Variants in DNAH12 observed in about 807,000 individuals in gnomAD.
The protein encoded by DNAH12 is axonemal beta dynein heavy chain 12.
DNAH12 carries 285 observed loss-of-function variants against 371.5 expected under a neutral mutation model. That is an observed-to-expected ratio of 0.77 (90% CI 0.70 to 0.85). The LOEUF is 0.85. Ranked by LOEUF, DNAH12 falls within the 40% of genes least tolerant of loss-of-function variation. The pLI is 0.00. For missense variants in DNAH12, 3,611 were observed against 3,689.4 expected, an observed-to-expected ratio of 0.98 and a Z score of 0.55; for synonymous variants, 1,200 against 1,213.0, an observed-to-expected ratio of 0.99 and a Z score of 0.22.
chr3:57,546,873 C>A (rs758031483), upstream of DNAH12, among the ~76,000 whole-genome samples: 1 of 152,084 alleles, frequency 6.6e-6, no homozygotes, highest in African/African-American at 2.4e-5. Flanking sequence ...TTAGGCCTGG[C>A]AAAGTGGATC....
intron 13 of DNAH12, 84 bp downstream of exon 13, chr3:57,483,292 A>G: frequency 1.4e-6 from 2 of 1,463,470 alleles, no homozygotes; most frequent in South Asian, 2.6e-5. Context: ...CTATTTGTGT[A>G]ACTATATATT....
At chr3:57,353,710 T>C (rs1209956251) in intron 59 of DNAH12, among the ~76,000 whole-genome samples, 1 of 152,102 alleles carries the variant, frequency 6.6e-6, no homozygotes, top group Admixed American at 6.6e-5. Context: ...CATTAAAAAG[T>C]AGGCAAAGGA....
chr3:57,301,610 C>T, intron 70 of DNAH12, 125 bp downstream of exon 70: 2 of 1,143,566 alleles, frequency 1.7e-6, no homozygotes, highest in East Asian at 5.1e-5. Flanking sequence ...ACTAATATCT[C>T]CCCAGTTAAC....
In DNAH12 at chr3:57,348,089, T is replaced by C. The variant is rs897131066; in HGVS notation, c.9674+3996A>G. Among the ~76,000 whole-genome samples the C allele has an allele frequency of 2.6e-5, 4 of 152,342 alleles. No individual in the cohort carries two copies. The East Asian group carries it at 5.8e-4, about 22-fold the overall frequency. ...ATGAATGTTTGTAGCATATTATTCA[T>C]AATTGCCAAAACTTAGAAGCAACTA... is the stretch of plus-strand genomic sequence containing the variant. On this transcript the variant is annotated intron_variant, in intron 60 of 73. Coordinates refer to ENST00000495027, the MANE Select transcript of DNAH12 (RefSeq NM_001366028.2).
intron 69 of DNAH12, among the ~76,000 whole-genome samples, chr3:57,302,508 G>T (rs2061367922): frequency 9.2e-6 from 1 of 108,796 alleles, no homozygotes; most frequent in Non-Finnish European, 1.7e-5. Context: ...AAGAAATGCT[G>T]AATTAACTAA....
At chr3:57,429,861 C>T (rs2064903491) in intron 32 of DNAH12, 87 bp from the exon 33 acceptor site, 3 of 1,097,142 alleles carry the variant, frequency 2.7e-6, no homozygotes, top group South Asian at 1.9e-5. Context: ...AATAAAGTAG[C>T]TCCTGTGATA....
Position 57,377,080 on chromosome 3 carries a change from G to C in DNAH12, c.8366C>G (p.Thr2789Arg), listed in dbSNP as rs1186806205. ...ENLQMTFLEKTEEKAALEDQV... is the reference protein window; with the variant it reads ...ENLQMTFLEKREEKAALEDQV... ...GTCTTCTAAAGCAGCCTTTTCCTCT[G>C]TTTTCTCAAGAAATGTCATTTGTAA... Residue 2789 changes from threonine (T) to arginine (R), a missense_variant, in exon 53 of 74, where the codon ACA becomes AGA. Thr to Arg is a moderately conservative substitution (Grantham distance 71). Coordinates refer to ENST00000495027, the MANE Select transcript of DNAH12 (RefSeq NM_001366028.2). 6.6e-6 allele frequency: 1 copy of C among 152,050 alleles called. No homozygotes were observed. Among genetic ancestry groups the C allele is most frequent in the Non-Finnish European group, 1.5e-5 (1 of 68,002 alleles). 9.4% of individuals were successfully genotyped at this position (152,050 alleles called of 1,614,324 possible).
intron 23 of DNAH12, 24 bp from the exon 24 acceptor site, chr3:57,453,427 T>C (rs974168881): frequency 6.7e-7 from 1 of 1,486,604 alleles, no homozygotes; most frequent in Non-Finnish European, 9.0e-7. Flanking sequence ...AAAAAAGCAA[T>C]CTAATTGATG....
chr3:57,322,521 C>T (rs1313896858), intron 64 of DNAH12, 38 bp from the exon 65 acceptor site: 2 of 1,531,170 alleles, frequency 1.3e-6, no homozygotes, highest in South Asian at 1.2e-5. Context: ...TACAAGATAG[C>T]AAGTGGAGGC....
At chr3:57,492,710 AT>A (rs1300038725) in intron 11 of DNAH12, among the ~76,000 whole-genome samples, 7 of 152,144 alleles carry the variant, frequency 4.6e-5, no homozygotes, top group African/African-American at 1.7e-4. Context: ...GGAAATAATC[AT>A]TTTCAAAGTT....
chr3:57,355,182 C>T (rs2062769929), intron 59 of DNAH12, among the ~76,000 whole-genome samples: 1 of 152,118 alleles, frequency 6.6e-6, no homozygotes. Flanking sequence ...TGAATCTACA[C>T]TTAACTCAAA....
chr3:57,395,051 T>C (rs1026749557), intron 43 of DNAH12, among the ~76,000 whole-genome samples: 14 of 152,194 alleles, frequency 9.2e-5, no homozygotes, highest in Admixed American at 7.9e-4. Flanking sequence ...AATATAATTA[T>C]ATTTAAAAGG....
chr3:57,460,330 T>C (rs1272846450), intron 19 of DNAH12, among the ~76,000 whole-genome samples: 1 of 152,038 alleles, frequency 6.6e-6, no homozygotes, highest in Non-Finnish European at 1.5e-5. Flanking sequence ...TCAACACAAT[T>C]TGGAGAAAAA....
At chr3:57,354,334 G>A (rs2062747322) in intron 59 of DNAH12, among the ~76,000 whole-genome samples, 1 of 151,996 alleles carries the variant, frequency 6.6e-6, no homozygotes, top group African/African-American at 2.4e-5. Context: ...TAGACACTGA[G>A]GCCTACTCAA....
chr3:57,345,387 G>A (rs1212857153), intron 60 of DNAH12, among the ~76,000 whole-genome samples: 4 of 152,084 alleles, frequency 2.6e-5, no homozygotes, highest in African/African-American at 9.7e-5. Context: ...ATCCCATAAT[G>A]TATACAAAGA....
chr3:57,369,246 TATAA>T (rs1348699709), intron 55 of DNAH12, among the ~76,000 whole-genome samples: 1 of 145,594 alleles, frequency 6.9e-6, no homozygotes, highest in African/African-American at 2.5e-5. Flanking sequence ...TATATATATA[TATAA>T]AACTGTATTT....
In DNAH12 at chr3:57,304,540, A is replaced by G. The variant is rs148241517; in HGVS notation, c.11190-2601T>C. On this transcript the variant is annotated intron_variant, in intron 69 of 73. Transcript: ENST00000495027. ...ATTTCAGTTCCTTTCCTTTTCTGGT[A>G]GAGACAAAGGAGATGCATTTTATCC... is the stretch of plus-strand genomic sequence containing the variant. Among the ~76,000 whole-genome samples, 419 of 152,138 alleles carry G rather than the reference A, an allele frequency of 2.8e-3. 1 individual carries two copies. The highest frequency in any genetic ancestry group is 9.7e-3 in the African/African-American group (401 of 41,476).
intron 2 of DNAH12, among the ~76,000 whole-genome samples, chr3:57,535,709 A>G (rs2069012352): frequency 6.7e-6 from 1 of 148,980 alleles, no homozygotes. Context: ...CACCTGGCTA[A>G]TTTTGTATTT....
At chr3:57,341,010 A>G (rs781824964) in intron 60 of DNAH12, among the ~76,000 whole-genome samples, 5 of 152,216 alleles carry the variant, frequency 3.3e-5, no homozygotes, top group Admixed American at 3.3e-4. Context: ...GTGAGACATC[A>G]CAACAGAATG....
Sources: allele counts gnomAD v4.1 joint callset (sites outside exome capture counted in the v4.1 genomes callset), GRCh38; gene constraint gnomAD v4.1.1; transcripts MANE v1.5; gene names NCBI Gene and HGNC (gene_info 2026-07-23, HGNC 2026-07-21).